Variants in LOC128092253 observed in about 807,000 individuals in gnomAD.
chr6:133,958,523 A>G, the LOC128092253 span, among the ~76,000 whole-genome samples: 1 of 152,222 alleles, frequency 6.6e-6, no homozygotes, highest in South Asian at 2.1e-4. Context: ...TACTGAAGCT[A>G]CCTAATCAGG....
At chr6:133,956,525 A>G in the LOC128092253 span, among the ~76,000 whole-genome samples, 1 of 151,920 alleles carries the variant, frequency 6.6e-6, no homozygotes, top group Non-Finnish European at 1.5e-5. Flanking sequence ...CATGCCTGCT[A>G]AACTAGAAGT....
chr6:133,960,169 G>A, the LOC128092253 span, among the ~76,000 whole-genome samples: 4 of 152,114 alleles, frequency 2.6e-5, no homozygotes, highest in African/African-American at 4.8e-5. Context: ...ATCTTTGCTC[G>A]TTACAGATTA....
chr6:133,963,801 C>T, the LOC128092253 span, among the ~76,000 whole-genome samples: 2 of 150,852 alleles, frequency 1.3e-5, no homozygotes, highest in East Asian at 4.0e-4. Flanking sequence ...GAGGCTGAGG[C>T]GGGCGGATCA....
At chr6:133,973,822 C>A in the LOC128092253 span, among the ~76,000 whole-genome samples, 18 of 152,152 alleles carry the variant, frequency 1.2e-4, no homozygotes, top group South Asian at 3.7e-3. Flanking sequence ...TCACACTAAG[C>A]CATTTCCTTG....
the LOC128092253 span, among the ~76,000 whole-genome samples, chr6:133,974,971 A>G: frequency 2.6e-5 from 4 of 152,194 alleles, no homozygotes; most frequent in Non-Finnish European, 4.4e-5. Flanking sequence ...CTGGGTTATA[A>G]TTGTCTTAAA....
chr6:133,977,530 T>C, the LOC128092253 span, among the ~76,000 whole-genome samples: 16 of 152,184 alleles, frequency 1.1e-4, no homozygotes, highest in African/African-American at 3.6e-4. Context: ...GTAGTAAATC[T>C]GAGTCAATTT....
the LOC128092253 span, among the ~76,000 whole-genome samples, chr6:133,963,243 A>G: frequency 6.6e-6 from 1 of 152,176 alleles, no homozygotes; most frequent in African/African-American, 2.4e-5. Context: ...ATGGAGAGGG[A>G]AATTCCATTA....
chr6:133,954,613 T>A, the LOC128092253 span, among the ~76,000 whole-genome samples: 1 of 152,190 alleles, frequency 6.6e-6, no homozygotes, highest in Non-Finnish European at 1.5e-5. Context: ...TGTAGCACAA[T>A]GAAAAGGCCA....
chr6:133,959,504 TG>T, the LOC128092253 span, among the ~76,000 whole-genome samples: 1 of 152,012 alleles, frequency 6.6e-6, no homozygotes, highest in African/African-American at 2.4e-5. Context: ...GTTTTGGAGA[TG>T]GAGTCTCACT....
chr6:133,962,675 CAT>C, the LOC128092253 span, among the ~76,000 whole-genome samples: 1 of 152,142 alleles, frequency 6.6e-6, no homozygotes, highest in East Asian at 1.9e-4. Context: ...GCCATAAGCT[CAT>C]AGATAGCAAC....
At chr6:133,979,953 A>G in the LOC128092253 span, 14 of 729,218 alleles carry the variant, frequency 1.9e-5, no homozygotes, top group Non-Finnish European at 2.7e-5. Context: ...GGCCAGGGAC[A>G]TGATTTGATT....
chr6:133,972,304 A>G, the LOC128092253 span, among the ~76,000 whole-genome samples: 8 of 152,350 alleles, frequency 5.3e-5, no homozygotes, highest in Admixed American at 2.6e-4. Context: ...GATCCACTCA[A>G]ATCACTCAAA....
the LOC128092253 span, among the ~76,000 whole-genome samples, chr6:133,971,579 G>GTGTTGTTGT: frequency 6.6e-6 from 1 of 150,936 alleles, no homozygotes; most frequent in African/African-American, 2.4e-5. Context: ...CAATACATAG[G>GTGTTGTTGT]TGTTGTTGTT....
chr6:133,959,490 T>A, the LOC128092253 span, among the ~76,000 whole-genome samples: 1 of 152,144 alleles, frequency 6.6e-6, no homozygotes, highest in African/African-American at 2.4e-5. Flanking sequence ...TTTCTTTTTG[T>A]TTTGTTTTGG....
the LOC128092253 span, among the ~76,000 whole-genome samples, chr6:133,957,732 T>G: frequency 4.6e-5 from 7 of 152,236 alleles, no homozygotes; most frequent in African/African-American, 1.7e-4. Context: ...TAAATAGCTT[T>G]CTCACTGCCC....
the LOC128092253 span, among the ~76,000 whole-genome samples, chr6:133,957,678 A>T: frequency 6.6e-6 from 1 of 152,228 alleles, no homozygotes; most frequent in East Asian, 1.9e-4. Context: ...GCCTGTGTTC[A>T]GCATCATGGC....
the LOC128092253 span, among the ~76,000 whole-genome samples, chr6:133,964,013 C>T: frequency 3.9e-5 from 6 of 152,146 alleles, no homozygotes; most frequent in Non-Finnish European, 5.9e-5. Context: ...TGCACTCCAG[C>T]CTGGGCGACA....
the LOC128092253 span, among the ~76,000 whole-genome samples, chr6:133,967,801 A>G: frequency 2.2e-4 from 33 of 152,316 alleles, no homozygotes; most frequent in Middle Eastern, 3.4e-3. Context: ...ATTCAAGGAA[A>G]ATCAATTAAT....
chr6:133,972,149 T>A, the LOC128092253 span, among the ~76,000 whole-genome samples: 1 of 152,216 alleles, frequency 6.6e-6, no homozygotes, highest in East Asian at 1.9e-4. Context: ...CAGTGAAAGA[T>A]TTTAAAGTTA....
Sources: gnomAD v4.1 joint callset for allele counts (sites outside exome capture counted in the v4.1 genomes callset) on GRCh38, gnomAD v4.1.1 for gene constraint, MANE v1.5 for transcripts.